NCKAP5: variants seen among roughly 807,000 people sequenced by gnomAD.
The protein encoded by NCKAP5 is NCK associated protein 5.
A neutral mutation model predicts 167.0 loss-of-function variants in NCKAP5; 92 were observed. That is an observed-to-expected ratio of 0.55 (90% CI 0.47 to 0.66). The LOEUF is 0.66. Among genes scored for constraint, NCKAP5 ranks in the 30% least tolerant of loss-of-function variants. NCKAP5 has a pLI of 0.00. For missense variants in NCKAP5, 2,378 were observed against 2,315.0 expected, an observed-to-expected ratio of 1.03 and a Z score of -0.56; for synonymous variants, 891 against 877.4, an observed-to-expected ratio of 1.02 and a Z score of -0.27.
intron 4 of NCKAP5, among the ~76,000 whole-genome samples, chr2:133,237,329 C>A (rs1422963290): frequency 1.3e-5 from 2 of 152,038 alleles, no homozygotes; most frequent in Admixed American, 6.5e-5. Context: ...AATTCAGAAC[C>A]AAGAACCTAG....
chr2:133,219,270 C>A (rs1574416284), intron 4 of NCKAP5, among the ~76,000 whole-genome samples: 1 of 152,296 alleles, frequency 6.6e-6, no homozygotes, highest in East Asian at 1.9e-4. Flanking sequence ...CCTTCCGTAT[C>A]GACAACTGGG....
intron 6 of NCKAP5, among the ~76,000 whole-genome samples, chr2:133,077,491 C>G (rs550036985): frequency 1.1e-3 from 169 of 152,274 alleles, no homozygotes; most frequent in Middle Eastern, 3.4e-3. Flanking sequence ...GATGGTGCCT[C>G]TTTGGAAAGA....
chr2:132,995,791 A>G (rs941085857), intron 6 of NCKAP5, among the ~76,000 whole-genome samples: 2 of 152,050 alleles, frequency 1.3e-5, no homozygotes, highest in African/African-American at 2.4e-5. Context: ...CCTGGCCAAC[A>G]TAATGAAAAC....
intron 6 of NCKAP5, among the ~76,000 whole-genome samples, chr2:133,041,418 G>A (rs1049946614): frequency 6.6e-6 from 1 of 152,106 alleles, no homozygotes; most frequent in African/African-American, 2.4e-5. Flanking sequence ...AATTTCACAA[G>A]TAGTTTTCAT....
chr2:133,618,110 G>T, the NCKAP5 span, among the ~76,000 whole-genome samples: 4 of 151,230 alleles, frequency 2.6e-5, no homozygotes, highest in East Asian at 7.8e-4. Context: ...TATGTAGAAA[G>T]CTGAAACTGG....
chr2:133,659,819 G>GTA, the NCKAP5 span, among the ~76,000 whole-genome samples: 2 of 152,124 alleles, frequency 1.3e-5, no homozygotes, highest in African/African-American at 4.8e-5. Context: ...TTAAATGAGA[G>GTA]TATATACATA....
In NCKAP5 at chr2:132,783,178, C is replaced by T. The variant is rs780179773; in HGVS notation, c.3633G>A (p.Pro1211=). 50 of 1,613,658 alleles carry T rather than the reference C, an allele frequency of 3.1e-5. No individual in the cohort carries two copies. The highest frequency in any genetic ancestry group is 3.3e-4 in the Middle Eastern group (2 of 6,084). ...ITAGERNVTL[P]DSQAQGSLAD... ...CTAAACTGCCCTGTGCTTGTGAATC[C>T]GGTAGGGTCACATTTCTTTCACCCG... Residue 1211 remains proline (P), a synonymous_variant, in exon 14 of 20, where the codon CCG becomes CCA. Transcript: ENST00000409261.
chr2:133,131,425 T>C (rs931413308), intron 5 of NCKAP5, among the ~76,000 whole-genome samples: 4 of 152,206 alleles, frequency 2.6e-5, no homozygotes, highest in Admixed American at 2.0e-4. Flanking sequence ...CTTTACTTTT[T>C]CTACTGTTAT....
chr2:132,998,970 T>C (rs551470987), intron 6 of NCKAP5, among the ~76,000 whole-genome samples: 1 of 152,314 alleles, frequency 6.6e-6, no homozygotes, highest in East Asian at 1.9e-4. Context: ...AAGACCATTT[T>C]TTCCCCTAAA....
At chr2:132,714,459 G>T (rs1198472872) in intron 19 of NCKAP5, among the ~76,000 whole-genome samples, 1 of 152,158 alleles carries the variant, frequency 6.6e-6, no homozygotes, top group East Asian at 1.9e-4. Flanking sequence ...AAGAGGCAAG[G>T]TGGGCATTAT....
At chr2:133,484,935 C>G (rs903113927) in intron 3 of NCKAP5, among the ~76,000 whole-genome samples, 1 of 152,206 alleles carries the variant, frequency 6.6e-6, no homozygotes, top group Non-Finnish European at 1.5e-5. Context: ...AGTCCCAGCA[C>G]TGACACTAAC....
At chr2:132,952,029 T>C (rs1301288893) in intron 8 of NCKAP5, among the ~76,000 whole-genome samples, 1 of 152,220 alleles carries the variant, frequency 6.6e-6, no homozygotes, top group Non-Finnish European at 1.5e-5. Context: ...AGGATTAAAA[T>C]GCTTAATTGG....
chr2:133,497,465 T>G (rs1029251152), intron 3 of NCKAP5, among the ~76,000 whole-genome samples: 1 of 152,136 alleles, frequency 6.6e-6, no homozygotes, highest in African/African-American at 2.4e-5. Flanking sequence ...CTGAATAAGA[T>G]CCTCACAAAT....
At chr2:133,611,775 T>A in the NCKAP5 span, among the ~76,000 whole-genome samples, 1 of 152,194 alleles carries the variant, frequency 6.6e-6, no homozygotes, top group African/African-American at 2.4e-5. Flanking sequence ...CTCTCCCCTA[T>A]TAAACCCCCT....
intron 3 of NCKAP5, among the ~76,000 whole-genome samples, chr2:133,341,189 A>G (rs1164416668): frequency 6.6e-6 from 1 of 152,218 alleles, no homozygotes; most frequent in Non-Finnish European, 1.5e-5. Context: ...AAGTATATAT[A>G]CAGCTATAAA....
At chr2:132,955,727 C>T (rs908624289) in intron 8 of NCKAP5, among the ~76,000 whole-genome samples, 1 of 152,120 alleles carries the variant, frequency 6.6e-6, no homozygotes, top group African/African-American at 2.4e-5. Flanking sequence ...CTTGAGGAAT[C>T]GCCACACTGT....
intron 3 of NCKAP5, among the ~76,000 whole-genome samples, chr2:133,386,964 G>A (rs1183178631): frequency 6.6e-6 from 1 of 152,164 alleles, no homozygotes; most frequent in Admixed American, 6.5e-5. Flanking sequence ...TGGGTTTCCT[G>A]AAGGCAGCAC....
intron 3 of NCKAP5, among the ~76,000 whole-genome samples, chr2:133,513,378 T>C (rs1163317133): frequency 1.3e-5 from 2 of 152,214 alleles, no homozygotes; most frequent in Non-Finnish European, 2.9e-5. Flanking sequence ...CCTCGACCTC[T>C]GATCTCCTGC....
chr2:133,329,142 G>C (rs140219615), intron 3 of NCKAP5, among the ~76,000 whole-genome samples: 297 of 152,312 alleles, frequency 1.9e-3, no homozygotes, highest in African/African-American at 6.8e-3. Flanking sequence ...AGAGGCATGA[G>C]AGTGGTACAC....
Sources: gnomAD v4.1 joint callset for allele counts (sites outside exome capture counted in the v4.1 genomes callset) on GRCh38, gnomAD v4.1.1 for gene constraint, MANE v1.5 for transcripts, NCBI Gene and HGNC (gene_info 2026-07-23, HGNC 2026-07-21) for gene names.